ATG4C: variants seen among roughly 807,000 people sequenced by gnomAD.
The protein encoded by ATG4C is cysteine protease ATG4C.
ATG4C carries 56 observed loss-of-function variants against 57.6 expected under a neutral mutation model. That is an observed-to-expected ratio of 0.97 (90% confidence interval 0.78 to 1.21). ATG4C has a LOEUF of 1.21. Ranked by LOEUF, ATG4C falls within the 50% of genes most tolerant of loss-of-function variation. ATG4C has a pLI of 0.00. For synonymous variants in ATG4C, 157 were observed against 174.1 expected, an observed-to-expected ratio of 0.90 and a Z score of 0.78; for missense variants, 595 against 529.8, an observed-to-expected ratio of 1.12 and a Z score of -1.21.
At chr1:62,844,012 G>C (rs1261315267) in intron 10 of ATG4C, among the ~76,000 whole-genome samples, 1 of 152,198 alleles carries the variant, frequency 6.6e-6, no homozygotes, top group Non-Finnish European at 1.5e-5. Context: ...ATTTCTACTG[G>C]CTTAGGGAAA....
intron 6 of ATG4C, 117 bp downstream of exon 6, chr1:62,821,326 T>C: frequency 1.8e-6 from 1 of 551,990 alleles, no homozygotes; most frequent in Non-Finnish European, 2.9e-6. Flanking sequence ...GTCTTATACA[T>C]TTTTGTTCCT....
chr1:62,801,958 C>CAAAAAAAAAAAAAA (rs60298362), intron 1 of ATG4C, among the ~76,000 whole-genome samples: 13 of 51,892 alleles, frequency 2.5e-4, no homozygotes, highest in Middle Eastern at 0.026. Context: ...ACTCTGTCTC[C>CAAAAAAAAAAAAAA]AAAAAAAAAA....
chr1:62,784,737 A>T (rs1664026271), intron 1 of ATG4C, among the ~76,000 whole-genome samples: 1 of 152,130 alleles, frequency 6.6e-6, no homozygotes, highest in Non-Finnish European at 1.5e-5. Context: ...TTACTGCTTC[A>T]AGCCATAACA....
At chr1:62,803,607 T>A (rs1480730899) in intron 1 of ATG4C, 112 bp from the exon 2 acceptor site, 1 of 385,580 alleles carries the variant, frequency 2.6e-6, no homozygotes, top group Non-Finnish European at 4.8e-6. Flanking sequence ...GAGAAATTGT[T>A]TTGTTCATTT....
At chr1:62,801,973 A>G (rs1377406703) in intron 1 of ATG4C, among the ~76,000 whole-genome samples, 2 of 146,520 alleles carry the variant, frequency 1.4e-5, no homozygotes, top group East Asian at 1.9e-4. Flanking sequence ...AAAAAAAAAA[A>G]AAAAAAAAAA....
intron 1 of ATG4C, among the ~76,000 whole-genome samples, chr1:62,797,466 A>G (rs1255924539): frequency 1.3e-5 from 2 of 152,176 alleles, no homozygotes; most frequent in Non-Finnish European, 2.9e-5. Flanking sequence ...ATTGTTAATT[A>G]TGCTTGTTTT....
intron 4 of ATG4C, among the ~76,000 whole-genome samples, chr1:62,818,698 T>G (rs970071071): frequency 1.3e-5 from 2 of 152,096 alleles, no homozygotes; most frequent in Non-Finnish European, 2.9e-5. Context: ...ATACCATAAA[T>G]TCACTCATTT....
At chr1:62,841,898 T>A (rs1666181602) in intron 10 of ATG4C, among the ~76,000 whole-genome samples, 1 of 152,204 alleles carries the variant, frequency 6.6e-6, no homozygotes, top group Non-Finnish European at 1.5e-5. Context: ...AATGAAGTAT[T>A]TGATCAAGCC....
chr1:62,825,317 G>A lies in ATG4C; in HGVS notation c.797-3723G>A, dbSNP rs182206566. Among the ~76,000 whole-genome samples, 4 of 150,796 alleles carry A rather than the reference G, an allele frequency of 2.7e-5. No homozygotes were observed. The East Asian group carries it at 5.9e-4, about 22-fold the overall frequency. On this transcript the variant is annotated intron_variant, in intron 6 of 10. Coordinates refer to ENST00000317868, the MANE Select transcript of ATG4C (RefSeq NM_032852.4). ...CAATAATTTAATCTTTCTAAGCCTC[G>A]CAGTAACTTCTCAGTCCTCATATCA...
chr1:62,787,333 A>G (rs566510643), intron 1 of ATG4C, among the ~76,000 whole-genome samples: 1 of 152,290 alleles, frequency 6.6e-6, no homozygotes. Context: ...TTTTGAATCT[A>G]TCTGTAATAT....
intron 9 of ATG4C, among the ~76,000 whole-genome samples, chr1:62,836,901 T>C (rs1484442569): frequency 6.6e-6 from 1 of 152,128 alleles, no homozygotes; most frequent in Non-Finnish European, 1.5e-5. Flanking sequence ...AGTGGGATGA[T>C]ATGAGAATAT....
At chr1:62,850,856 A>ATGTG (rs1181424516) in intron 10 of ATG4C, among the ~76,000 whole-genome samples, 47 of 41,180 alleles carry the variant, frequency 1.1e-3, no homozygotes, top group Middle Eastern at 0.011. Flanking sequence ...GTATGTATGT[A>ATGTG]TATATATATA....
At chr1:62,834,260 G>A (rs1665929919) in intron 8 of ATG4C, 144 bp downstream of exon 8, 2 of 617,054 alleles carry the variant, frequency 3.2e-6, no homozygotes, top group Admixed American at 3.5e-5. Flanking sequence ...CCACTCATTT[G>A]TCATTTGGTC....
intron 10 of ATG4C, among the ~76,000 whole-genome samples, chr1:62,845,348 G>A (rs1666295632): frequency 2.0e-5 from 3 of 151,962 alleles, no homozygotes; most frequent in African/African-American, 7.3e-5. Context: ...TGATACTAAG[G>A]TTGAATATTT....
intron 7 of ATG4C, among the ~76,000 whole-genome samples, chr1:62,832,102 A>G (rs1665860501): frequency 6.6e-6 from 1 of 152,208 alleles, no homozygotes; most frequent in Admixed American, 6.5e-5. Context: ...TTAATTGATA[A>G]GTAACTTTAT....
intron 3 of ATG4C, among the ~76,000 whole-genome samples, chr1:62,809,029 G>T (rs900660544): frequency 6.6e-6 from 1 of 152,098 alleles, no homozygotes; most frequent in Non-Finnish European, 1.5e-5. Flanking sequence ...ACCTCCCTGG[G>T]CTCAAATGAT....
At chr1:62,808,837 A>T (rs908279618) in intron 3 of ATG4C, among the ~76,000 whole-genome samples, 2 of 152,214 alleles carry the variant, frequency 1.3e-5, no homozygotes, top group Non-Finnish European at 2.9e-5. Context: ...TGACGCTGTG[A>T]TATGTGCTAT....
chr1:62,827,355 T>C (rs1318560704), intron 6 of ATG4C, among the ~76,000 whole-genome samples: 3 of 152,232 alleles, frequency 2.0e-5, no homozygotes, highest in Admixed American at 6.5e-5. Flanking sequence ...CTTGGAATGC[T>C]TTTCCCCTAG....
chr1:62,843,957 T>C (rs1666249294), intron 10 of ATG4C, among the ~76,000 whole-genome samples: 1 of 152,234 alleles, frequency 6.6e-6, no homozygotes, highest in Non-Finnish European at 1.5e-5. Context: ...CAAAGTACTT[T>C]ATTGTGATGG....
Sources: allele counts gnomAD v4.1 joint callset (sites outside exome capture counted in the v4.1 genomes callset), GRCh38; gene constraint gnomAD v4.1.1; transcripts MANE v1.5; gene names NCBI Gene and HGNC (gene_info 2026-07-23, HGNC 2026-07-21).